The following IL1RAPL1 variants were observed in gnomAD, a reference collection of about 807,000 sequenced individuals.
The protein encoded by IL1RAPL1 is interleukin 1 receptor accessory protein like 1.
IL1RAPL1 carries 3 observed loss-of-function variants against 48.4 expected under a neutral mutation model. The ratio of observed to expected loss-of-function variants is 0.06; its 90% CI spans 0.03 to 0.16. IL1RAPL1 has a LOEUF of 0.16. Among genes scored for constraint, IL1RAPL1 ranks in the 10% least tolerant of loss-of-function variants. IL1RAPL1 has a pLI of 1.00. For synonymous variants in IL1RAPL1, 185 were observed against 187.7 expected (o/e 0.99, Z 0.12); for missense variants, 349 against 530.6 (o/e 0.66, Z 3.36).
At chrX:29,316,733 A>T (rs1192331535) in intron 3 of IL1RAPL1, among the ~76,000 whole-genome samples, 1 of 111,908 alleles carries the variant, frequency 8.9e-6, no homozygotes, top group East Asian at 2.8e-4. Flanking sequence ...TGGAGTAAGC[A>T]GGAAGGAATG....
At chrX:29,005,576 A>G (rs1925958618) in intron 2 of IL1RAPL1, among the ~76,000 whole-genome samples, 1 of 112,079 alleles carries the variant, frequency 8.9e-6, no homozygotes, top group Non-Finnish European at 1.9e-5. Context: ...AGATGTTTGA[A>G]CATTATTCGA....
chrX:29,918,505 CAAAA>C (rs1186602092), intron 7 of IL1RAPL1, among the ~76,000 whole-genome samples: 1 of 38,111 alleles, frequency 2.6e-5, no homozygotes. Flanking sequence ...AACTCTGTCT[CAAAA>C]AAAAAAAAAA....
chrX:28,884,410 T>G (rs181902947), intron 2 of IL1RAPL1, among the ~76,000 whole-genome samples: 46 of 111,124 alleles, frequency 4.1e-4, no homozygotes, highest in Non-Finnish European at 7.0e-4. Flanking sequence ...CTTGGGAAGG[T>G]GTTGAATTAT....
intron 3 of IL1RAPL1, chrX:29,369,720 A>G (rs1933517945): frequency 8.9e-6 from 1 of 111,980 alleles, no homozygotes; most frequent in Non-Finnish European, 1.9e-5. Flanking sequence ...GATACGGCAA[A>G]ATCATATCAC....
intron 2 of IL1RAPL1, among the ~76,000 whole-genome samples, chrX:29,090,054 G>T (rs1928055019): frequency 9.3e-6 from 1 of 107,507 alleles, no homozygotes; most frequent in African/African-American, 3.4e-5. Flanking sequence ...GTAATTAAGT[G>T]GTCTGCAGGT....
chrX:29,018,393 G>C (rs894030888), intron 2 of IL1RAPL1, among the ~76,000 whole-genome samples: 1 of 111,951 alleles, frequency 8.9e-6, no homozygotes, highest in African/African-American at 3.2e-5. Flanking sequence ...AGAACCTAGG[G>C]AATAGATAGG....
intron 2 of IL1RAPL1, among the ~76,000 whole-genome samples, chrX:28,905,032 G>A (rs1225981420): frequency 9.0e-6 from 1 of 111,013 alleles, no homozygotes; most frequent in East Asian, 2.8e-4. Context: ...CTTCTTTGAA[G>A]TTTATGTTTT....
intron 1 of IL1RAPL1, among the ~76,000 whole-genome samples, chrX:28,638,580 A>G (rs1266840900): frequency 1.8e-5 from 2 of 109,791 alleles, no homozygotes; most frequent in Non-Finnish European, 3.8e-5. Flanking sequence ...TACATGCTTA[A>G]TGATGTGTTT....
chrX:28,971,598 C>T (rs1046041619), intron 2 of IL1RAPL1, among the ~76,000 whole-genome samples: 2 of 111,798 alleles, frequency 1.8e-5, no homozygotes, highest in Admixed American at 1.9e-4. Context: ...AATTATTGAG[C>T]AATACTAGAT....
chrX:29,702,653 A>G (rs747500511), intron 6 of IL1RAPL1, among the ~76,000 whole-genome samples: 1 of 111,852 alleles, frequency 8.9e-6, no homozygotes, highest in African/African-American at 3.2e-5. Context: ...TGGACACTAC[A>G]GTGCTACTTA....
At chrX:29,816,886 G>A (rs763428100) in intron 6 of IL1RAPL1, among the ~76,000 whole-genome samples, 2 of 109,971 alleles carry the variant, frequency 1.8e-5, no homozygotes, top group South Asian at 3.9e-4. Flanking sequence ...TAGCCTCTAT[G>A]TAAATATCGT....
chrX:28,968,248 C>T (rs1288783251), intron 2 of IL1RAPL1, among the ~76,000 whole-genome samples: 1 of 111,144 alleles, frequency 9.0e-6, no homozygotes, highest in Non-Finnish European at 1.9e-5. Context: ...GTTCCGTAGC[C>T]ATTAGTTAAT....
intron 6 of IL1RAPL1, among the ~76,000 whole-genome samples, chrX:29,855,669 G>A (rs1931463101): frequency 9.0e-6 from 1 of 110,542 alleles, no homozygotes; most frequent in African/African-American, 3.3e-5. Context: ...GCAGAGGTAG[G>A]GTAGGAGTTG....
At chrX:29,045,757 C>T (rs1230265155) in intron 2 of IL1RAPL1, among the ~76,000 whole-genome samples, 2 of 111,964 alleles carry the variant, frequency 1.8e-5, no homozygotes, top group African/African-American at 3.2e-5. Context: ...AACCATAGGC[C>T]TTCTAGTTTT....
chrX:28,633,595 G>A (rs768653293), intron 1 of IL1RAPL1, among the ~76,000 whole-genome samples: 33 of 111,988 alleles, frequency 2.9e-4, no homozygotes, highest in African/African-American at 1.0e-3. Context: ...AACTATTTTT[G>A]TGATATCTGT....
chrX:29,279,759 G>T (rs1010933566), intron 2 of IL1RAPL1, among the ~76,000 whole-genome samples: 3 of 111,823 alleles, frequency 2.7e-5, no homozygotes, highest in Non-Finnish European at 5.6e-5. Context: ...TAATTTTCAG[G>T]AATATTTGTG....
chrX:29,941,567 GA>G, intron 8 of IL1RAPL1, 83 bp from the exon 9 acceptor site: 1 of 1,010,469 alleles, frequency 9.9e-7, no homozygotes, highest in Non-Finnish European at 1.4e-6. Flanking sequence ...TCTCATCCAG[GA>G]AAATGTGAAA....
At chrX:29,597,784 G>A (rs62586508) in intron 5 of IL1RAPL1, among the ~76,000 whole-genome samples, 1,600 of 111,751 alleles carry the variant, frequency 0.014, 19 homozygotes, top group Non-Finnish European at 0.022. Context: ...GAATTTATCC[G>A]TCTCATCTAG....
intron 3 of IL1RAPL1, among the ~76,000 whole-genome samples, chrX:29,394,011 A>G (rs1313277141): frequency 9.1e-6 from 1 of 109,720 alleles, no homozygotes; most frequent in Admixed American, 9.9e-5. Flanking sequence ...TTTCTCTCAA[A>G]GCTGTTTCTT....
Sources: allele counts gnomAD v4.1 joint callset (sites outside exome capture counted in the v4.1 genomes callset), GRCh38; gene constraint gnomAD v4.1.1; transcripts MANE v1.5; gene names NCBI Gene and HGNC (gene_info 2026-07-23, HGNC 2026-07-21).